Variants in LRRCC1 observed in about 807,000 individuals in gnomAD.
LRRCC1 encodes the protein leucine-rich repeat and coiled-coil domain-containing protein 1.
LRRCC1 carries 115 observed loss-of-function variants against 126.0 expected under a neutral mutation model. The ratio of observed to expected loss-of-function variants is 0.91; its 90% CI spans 0.78 to 1.07. The LOEUF (loss-of-function observed/expected upper bound fraction) is 1.07. Among genes scored for constraint, LRRCC1 ranks in the 50% least tolerant of loss-of-function variants. The pLI is 0.00. For synonymous variants in LRRCC1, 400 were observed against 393.4 expected (o/e 1.02, Z -0.20); for missense variants, 1,172 against 1,175.7 (o/e 1.00, Z 0.05).
At chr8:85,127,145 C>G (rs1296022374) in intron 9 of LRRCC1, among the ~76,000 whole-genome samples, 1 of 152,172 alleles carries the variant, frequency 6.6e-6, no homozygotes, top group Non-Finnish European at 1.5e-5. Context: ...AAAGGGCAGG[C>G]ATTGGCAGCC....
At chr8:85,124,060 T>A (rs1156641344) in intron 7 of LRRCC1, among the ~76,000 whole-genome samples, 1 of 152,164 alleles carries the variant, frequency 6.6e-6, no homozygotes, top group Non-Finnish European at 1.5e-5. Flanking sequence ...AGTCAAATCC[T>A]AGTCAGATGA....
At chr8:85,124,349 T>C (rs1017104707) in intron 7 of LRRCC1, among the ~76,000 whole-genome samples, 1 of 152,166 alleles carries the variant, frequency 6.6e-6, no homozygotes, top group Non-Finnish European at 1.5e-5. Flanking sequence ...CTTCAAACAC[T>C]GTACTTTTTT....
intron 6 of LRRCC1, among the ~76,000 whole-genome samples, chr8:85,117,977 A>G (rs1809250248): frequency 6.6e-6 from 1 of 152,056 alleles, no homozygotes; most frequent in South Asian, 2.1e-4. Flanking sequence ...CTGTTATCCA[A>G]ATTTCTGTGA....
At chr8:85,110,222 G>A in intron 3 of LRRCC1, 42 bp downstream of exon 3, 1 of 840,142 alleles carries the variant, frequency 1.2e-6, no homozygotes, top group South Asian at 2.3e-5. Flanking sequence ...TAAATGTTGT[G>A]CCACATGTGA....
At chr8:85,132,895 ACT>A (rs1398069052) in intron 12 of LRRCC1, among the ~76,000 whole-genome samples, 1 of 152,002 alleles carries the variant, frequency 6.6e-6, no homozygotes, top group African/African-American at 2.4e-5. Flanking sequence ...CTTCTTTCTT[ACT>A]CTCTTACATC....
chr8:85,131,789 C>A lies in LRRCC1; in HGVS notation c.1796C>A (p.Thr599Asn). 2 of 1,613,040 alleles carry A rather than the reference C, an allele frequency of 1.2e-6. No individual in the cohort carries two copies. The highest frequency in any genetic ancestry group is 1.7e-6 in the Non-Finnish European group (2 of 1,179,654). The change falls in exon 12 of 19, where the codon ACT becomes AAT. Residue 599 changes from threonine to asparagine, a missense_variant. Coordinates refer to ENST00000360375, the MANE Select transcript of LRRCC1 (RefSeq NM_033402.5). ...RKELETREFF[T>N]DADFQDALAK... is the part of the protein sequence containing the mutation. ...GAACTTGAAACAAGGGAGTTTTTTA[C>A]TGATGCTGACTTCCAGGATGCCTTA...
intron 9 of LRRCC1, among the ~76,000 whole-genome samples, chr8:85,127,668 G>A (rs778924931): frequency 2.0e-5 from 3 of 152,142 alleles, no homozygotes; most frequent in African/African-American, 4.8e-5. Flanking sequence ...TGATACTGAC[G>A]TGGTGTTTTC....
chr8:85,134,770 T>C, intron 12 of LRRCC1, 77 bp from the exon 13 acceptor site: 1 of 886,120 alleles, frequency 1.1e-6, no homozygotes, highest in South Asian at 1.9e-5. Flanking sequence ...TTGCTAAAAC[T>C]GTGATACTAT....
Position 85,115,212 on chromosome 8 carries a change from C to T in LRRCC1, c.657C>T (p.Cys219=), listed in dbSNP as rs1304556174. The change falls in exon 5 of 19, where the codon TGC becomes TGT. Residue 219 remains cysteine, a synonymous_variant. Transcript: ENST00000360375. Reference sequence around the variant, plus strand: ...AAATAAATTCATCACAGCTGCAGTGCCTAGAAGGTCTTTTGGATAATTTAG... The same window carrying T: ...AAATAAATTCATCACAGCTGCAGTGTCTAGAAGGTCTTTTGGATAATTTAG... ...LTEINSSQLQ[C]LEGLLDNLVS... 6.2e-7 allele frequency: 1 copy of T among 1,612,260 alleles called. No homozygotes were observed. Among genetic ancestry groups the T allele is most frequent in the Admixed American group, 1.7e-5 (1 of 59,866 alleles).
intron 12 of LRRCC1, among the ~76,000 whole-genome samples, chr8:85,134,463 G>A (rs1810714392): frequency 6.6e-6 from 1 of 152,088 alleles, no homozygotes; most frequent in South Asian, 2.1e-4. Context: ...GATTTTACAG[G>A]TGTGCACCAC....
At chr8:85,108,434 T>A (rs558731779) in intron 1 of LRRCC1, among the ~76,000 whole-genome samples, 2 of 152,370 alleles carry the variant, frequency 1.3e-5, no homozygotes, top group Admixed American at 1.3e-4. Flanking sequence ...ATTGACAATT[T>A]GTTCATCTTT....
At chr8:85,142,814 G>A (rs547355756) in intron 18 of LRRCC1, among the ~76,000 whole-genome samples, 18 of 146,532 alleles carry the variant, frequency 1.2e-4, no homozygotes, top group Middle Eastern at 3.4e-3. Flanking sequence ...CCTGGACTAC[G>A]GAGCGAGACC....
At chr8:85,130,135 A>ATTT in intron 11 of LRRCC1, 77 bp downstream of exon 11, 98 of 628,092 alleles carry the variant, frequency 1.6e-4, no homozygotes, top group Non-Finnish European at 1.8e-4. Flanking sequence ...CACTACCAGT[A>ATTT]TTTTTTTTTT....
chr8:85,111,819 G>C (rs181943567), intron 3 of LRRCC1, among the ~76,000 whole-genome samples: 1 of 151,724 alleles, frequency 6.6e-6, no homozygotes. Context: ...GTTGAAACTC[G>C]CATACATTGT....
chr8:85,142,062 A>C (rs559116033), intron 18 of LRRCC1, among the ~76,000 whole-genome samples: 2 of 152,220 alleles, frequency 1.3e-5, no homozygotes, highest in South Asian at 4.1e-4. Context: ...TTGGGAGGCC[A>C]AGGCGGGTGG....
chr8:85,119,465 G>A (rs764771333), intron 6 of LRRCC1, among the ~76,000 whole-genome samples: 13 of 147,004 alleles, frequency 8.8e-5, no homozygotes, highest in East Asian at 2.0e-4. Context: ...CCCCTCTACC[G>A]TGAATTTACT....
At chr8:85,112,269 G>A (rs1474746375) in intron 3 of LRRCC1, among the ~76,000 whole-genome samples, 2 of 152,100 alleles carry the variant, frequency 1.3e-5, no homozygotes, top group Non-Finnish European at 2.9e-5. Context: ...TTAAAATGTG[G>A]CCACTCAAAG....
chr8:85,143,993 G>GA (rs1434714647), intron 18 of LRRCC1, among the ~76,000 whole-genome samples: 1 of 152,144 alleles, frequency 6.6e-6, no homozygotes, highest in Non-Finnish European at 1.5e-5. Context: ...GAAGTAAACA[G>GA]AAAAATGGTC....
At chr8:85,107,474 C>A in intron 1 of LRRCC1, 75 bp downstream of exon 1, 1 of 1,300,050 alleles carries the variant, frequency 7.7e-7, no homozygotes, top group Non-Finnish European at 1.1e-6. Context: ...GGCGGCGACA[C>A]CAGAGTGGAG....
Sources: allele counts gnomAD v4.1 joint callset (sites outside exome capture counted in the v4.1 genomes callset), GRCh38; gene constraint gnomAD v4.1.1; transcripts MANE v1.5; gene names NCBI Gene and HGNC (gene_info 2026-07-23, HGNC 2026-07-21).